The following INPP4B variants were observed in gnomAD, a reference collection of about 807,000 sequenced individuals.
INPP4B encodes the protein inositol polyphosphate 4-phosphatase type II.
In INPP4B, 55 loss-of-function variants were observed where a neutral mutation model predicts 122.5. That is an observed-to-expected ratio of 0.45 (90% CI 0.36 to 0.56). The LOEUF (loss-of-function observed/expected upper bound fraction) is 0.56. Among genes scored for constraint, INPP4B ranks in the 20% least tolerant of loss-of-function variants. The pLI, the probability that INPP4B is intolerant of heterozygous loss-of-function variation, is 0.00. For missense variants in INPP4B, 1,000 were observed against 1,097.7 expected (o/e 0.91, Z 1.26); for synonymous variants, 403 against 388.7 (o/e 1.04, Z -0.43).
intron 8 of INPP4B, among the ~76,000 whole-genome samples, chr4:142,307,433 T>C (rs1763844603): frequency 1.3e-5 from 2 of 152,214 alleles, no homozygotes; most frequent in Non-Finnish European, 2.9e-5. Flanking sequence ...GAGCTTTCTT[T>C]TGTTTGCTGA....
At chr4:142,273,470 A>G (rs1334207016) in intron 9 of INPP4B, among the ~76,000 whole-genome samples, 1 of 151,966 alleles carries the variant, frequency 6.6e-6, no homozygotes, top group African/African-American at 2.4e-5. Context: ...TGATGTTTAC[A>G]TTCCTAGAAG....
intron 2 of INPP4B, among the ~76,000 whole-genome samples, chr4:142,634,726 T>C (rs1444851816): frequency 2.0e-5 from 3 of 152,160 alleles, no homozygotes; most frequent in Non-Finnish European, 4.4e-5. Context: ...TAGTGAAATA[T>C]TGAAAGATTT....
chr4:142,124,767 G>A lies in INPP4B; in HGVS notation c.1721-7C>T, dbSNP rs889575522. The A allele has an allele frequency of 2.0e-6, 3 of 1,526,344 alleles. No homozygotes were observed. The highest frequency in any genetic ancestry group is 2.7e-6 in the Non-Finnish European group (3 of 1,129,178). The allele number at this position is 1,526,344 out of a possible 1,614,324, so 94.6% of individuals were successfully genotyped here. ...AACTGTTCATACCAGTCCTCTGGGGGAAGGGGGTGTAAGAACAGTGCAATA... is the reference window on the plus strand; with the variant it reads ...AACTGTTCATACCAGTCCTCTGGGGAAAGGGGGTGTAAGAACAGTGCAATA... On this transcript the variant is annotated splice_polypyrimidine_tract_variant and splice_region_variant and intron_variant, in intron 18 of 25. Coordinates refer to ENST00000262992, the MANE Select transcript of INPP4B (RefSeq NM_001101669.3).
chr4:142,130,141 GC>G (rs1800578253), intron 18 of INPP4B, among the ~76,000 whole-genome samples: 1 of 152,150 alleles, frequency 6.6e-6, no homozygotes, highest in Non-Finnish European at 1.5e-5. Context: ...GGCATTTACT[GC>G]AAACTTAAAG....
At chr4:142,671,691 G>A (rs1757025191) in intron 2 of INPP4B, among the ~76,000 whole-genome samples, 1 of 152,074 alleles carries the variant, frequency 6.6e-6, no homozygotes, top group African/African-American at 2.4e-5. Context: ...AGGTTTGGAG[G>A]TCTTAGTTCC....
At chr4:142,150,898 G>A (rs1036278946) in intron 17 of INPP4B, among the ~76,000 whole-genome samples, 1 of 152,064 alleles carries the variant, frequency 6.6e-6, no homozygotes, top group Non-Finnish European at 1.5e-5. Context: ...TTTTTCTAAG[G>A]CCAATTTTTG....
intron 16 of INPP4B, among the ~76,000 whole-genome samples, chr4:142,170,870 T>A (rs1432533761): frequency 2.6e-5 from 4 of 151,922 alleles, no homozygotes; most frequent in Middle Eastern, 3.4e-3. Context: ...AAATTGTATG[T>A]GTTTGTCTCT....
In INPP4B at chr4:142,108,136, T is replaced by C. The variant is rs778205039; in HGVS notation, c.2331A>G (p.Leu777=). ...CCATAAATATCTTGTAATATTCTTG[T>C]AGAAGTTCGAAGTTTTCCTGATTAA... ...ESINQENFEL[L]QEYYKIFMEK... is the part of the protein sequence containing the mutation. Residue 777 remains leucine (L), a synonymous_variant, in exon 23 of 26, where the codon CTA becomes CTG. Transcript: ENST00000262992. 1.9e-6 allele frequency: 3 copies of C among 1,597,996 alleles called. No individual in the cohort carries two copies. Among genetic ancestry groups the C allele is most frequent in the East Asian group, 4.5e-5 (2 of 44,700 alleles).
intron 7 of INPP4B, among the ~76,000 whole-genome samples, chr4:142,335,108 G>GAAAAAA (rs36074851): frequency 0.017 from 1,125 of 65,134 alleles, no homozygotes; most frequent in Non-Finnish European, 0.023. Context: ...TGGGAAAAAT[G>GAAAAAA]AAAAAAAAAA....
At chr4:142,830,160 T>C (rs571453300) in intron 1 of INPP4B, among the ~76,000 whole-genome samples, 5 of 152,332 alleles carry the variant, frequency 3.3e-5, no homozygotes, top group African/African-American at 9.6e-5. Flanking sequence ...GATACATGTA[T>C]CTACACATAT....
At chr4:142,723,253 T>C (rs144042372) in intron 2 of INPP4B, among the ~76,000 whole-genome samples, 147 of 152,174 alleles carry the variant, frequency 9.7e-4, no homozygotes, top group African/African-American at 3.2e-3. Flanking sequence ...AAAAATTCAA[T>C]ATATGTGAGA....
intron 18 of INPP4B, among the ~76,000 whole-genome samples, chr4:142,136,948 G>A (rs2152811304): frequency 6.6e-6 from 1 of 152,274 alleles, no homozygotes; most frequent in Non-Finnish European, 1.5e-5. Context: ...TCGTGAAAAT[G>A]GCCATACTGC....
At chr4:142,779,464 G>T (rs1176075623) in intron 1 of INPP4B, among the ~76,000 whole-genome samples, 1 of 152,030 alleles carries the variant, frequency 6.6e-6, no homozygotes, top group Non-Finnish European at 1.5e-5. Flanking sequence ...AAAAGAAAAT[G>T]ACACATTAGT....
At chr4:142,192,395 G>A (rs1310036260) in intron 15 of INPP4B, among the ~76,000 whole-genome samples, 1 of 115,072 alleles carries the variant, frequency 8.7e-6, no homozygotes, top group Non-Finnish European at 1.8e-5. Context: ...AAGGAAAGTA[G>A]TTATTCTTCA....
intron 3 of INPP4B, among the ~76,000 whole-genome samples, chr4:142,432,910 G>T (rs3756126): frequency 6.6e-6 from 1 of 152,024 alleles, no homozygotes; most frequent in Non-Finnish European, 1.5e-5. Context: ...TCTGTTTATC[G>T]GTATATGTGC....
At chr4:142,514,259 T>C (rs559137947) in intron 2 of INPP4B, 1 of 152,318 alleles carries the variant, frequency 6.6e-6, no homozygotes, top group Non-Finnish European at 1.5e-5. Flanking sequence ...CCTCATGTGG[T>C]CTTCCTCAGG....
At chr4:142,561,715 G>A (rs964406863) in intron 2 of INPP4B, among the ~76,000 whole-genome samples, 2 of 152,100 alleles carry the variant, frequency 1.3e-5, no homozygotes, top group Admixed American at 6.6e-5. Flanking sequence ...CACCACGCCT[G>A]GCTGACTTGT....
chr4:142,257,693 A>C (rs1228749671), intron 11 of INPP4B, among the ~76,000 whole-genome samples: 1 of 152,240 alleles, frequency 6.6e-6, no homozygotes, highest in African/African-American at 2.4e-5. Flanking sequence ...CCACTGCTCA[A>C]GGAAATAAAA....
chr4:142,575,998 C>A (rs1397149794), intron 2 of INPP4B, among the ~76,000 whole-genome samples: 2 of 152,008 alleles, frequency 1.3e-5, no homozygotes, highest in Non-Finnish European at 2.9e-5. Flanking sequence ...TACAAATACA[C>A]CACGTTGTAG....
Sources: allele counts gnomAD v4.1 joint callset (sites outside exome capture counted in the v4.1 genomes callset), GRCh38; gene constraint gnomAD v4.1.1; transcripts MANE v1.5; gene names NCBI Gene and HGNC (gene_info 2026-07-23, HGNC 2026-07-21).